Variants in GRID1 observed in about 807,000 individuals in gnomAD.
The protein encoded by GRID1 is glutamate receptor ionotropic, delta-1.
In GRID1, 28 loss-of-function variants were observed where a neutral mutation model predicts 98.0. The observed-to-expected ratio is 0.29, with a 90% confidence interval of 0.21 to 0.39. The LOEUF is 0.39. GRID1 is among the 10% of genes least tolerant of loss of function. GRID1 has a pLI of 1.00. For synonymous variants in GRID1, 553 were observed against 538.5 expected, an observed-to-expected ratio of 1.03 and a Z score of -0.37; for missense variants, 1,111 against 1,340.5, an observed-to-expected ratio of 0.83 and a Z score of 2.67.
At chr10:85,821,539 A>AAAAAAAAAAACAAACAAAC (rs770693495) in intron 8 of GRID1, among the ~76,000 whole-genome samples, 2 of 97,594 alleles carry the variant, frequency 2.0e-5, no homozygotes, top group African/African-American at 3.9e-5. Flanking sequence ...AAAAAAAAAA[A>AAAAAAAAAAACAAACAAAC]AAAAAAGAAA....
At chr10:85,789,273 C>T (rs1297656049) in intron 8 of GRID1, among the ~76,000 whole-genome samples, 1 of 152,098 alleles carries the variant, frequency 6.6e-6, no homozygotes, top group Admixed American at 6.5e-5. Context: ...AAGACACCTG[C>T]CAAAGCTGAC....
chr10:85,731,819 AGAAG>A (rs1191049871), intron 8 of GRID1, among the ~76,000 whole-genome samples: 33 of 134,350 alleles, frequency 2.5e-4, no homozygotes, highest in African/African-American at 7.2e-4. Context: ...AAAAAGAAGA[AGAAG>A]GAAGGAAGGA....
intron 4 of GRID1, among the ~76,000 whole-genome samples, chr10:86,118,680 C>T (rs995733881): frequency 6.6e-6 from 1 of 152,074 alleles, no homozygotes; most frequent in Non-Finnish European, 1.5e-5. Flanking sequence ...AGTGGAGAAA[C>T]CTTGACAAAC....
chr10:85,842,323 G>A (rs1194005681), intron 8 of GRID1, among the ~76,000 whole-genome samples: 2 of 152,104 alleles, frequency 1.3e-5, no homozygotes, highest in Non-Finnish European at 2.9e-5. Flanking sequence ...TTGGAGAGCA[G>A]AGGATGGGAT....
intron 6 of GRID1, among the ~76,000 whole-genome samples, chr10:85,868,419 C>T (rs1843243431): frequency 6.6e-6 from 1 of 152,178 alleles, no homozygotes; most frequent in African/African-American, 2.4e-5. Flanking sequence ...GCCGACTGCA[C>T]ATACTTAGGG....
chr10:85,766,986 G>A (rs1842204173), intron 8 of GRID1, among the ~76,000 whole-genome samples: 1 of 152,098 alleles, frequency 6.6e-6, no homozygotes, highest in Admixed American at 6.6e-5. Flanking sequence ...GCCTTCCTCT[G>A]TATATGCCAA....
chr10:85,621,085 T>C (rs1419692085), intron 13 of GRID1, among the ~76,000 whole-genome samples: 1 of 152,190 alleles, frequency 6.6e-6, no homozygotes, highest in East Asian at 1.9e-4. Context: ...TCGGAGGGAA[T>C]GCAAGCTGCT....
At chr10:86,022,467 G>A (rs1843062504) in intron 4 of GRID1, among the ~76,000 whole-genome samples, 1 of 152,154 alleles carries the variant, frequency 6.6e-6, no homozygotes, top group East Asian at 1.9e-4. Flanking sequence ...CAGCCATGCT[G>A]CCTCCTGCCC....
intron 2 of GRID1, among the ~76,000 whole-genome samples, chr10:86,337,433 C>A (rs1415493471): frequency 6.6e-6 from 1 of 152,176 alleles, no homozygotes; most frequent in Non-Finnish European, 1.5e-5. Context: ...AGCTTCCAAC[C>A]ACACTGGGCC....
At chr10:85,906,865 A>C (rs1841468314) in intron 5 of GRID1, among the ~76,000 whole-genome samples, 1 of 152,168 alleles carries the variant, frequency 6.6e-6, no homozygotes, top group South Asian at 2.1e-4. Flanking sequence ...AAAGAAAATA[A>C]GGAAGACAAA....
At chr10:86,022,556 T>C (rs925073110) in intron 4 of GRID1, among the ~76,000 whole-genome samples, 1 of 152,178 alleles carries the variant, frequency 6.6e-6, no homozygotes, top group African/African-American at 2.4e-5. Context: ...CGCTCTTTTT[T>C]TTCCCCGAGG....
chr10:86,326,554 G>C (rs1261676134), intron 2 of GRID1, among the ~76,000 whole-genome samples: 1 of 152,176 alleles, frequency 6.6e-6, no homozygotes, highest in Non-Finnish European at 1.5e-5. Flanking sequence ...TCGTCCATAA[G>C]ACCAAAATTA....
At chr10:86,165,574 T>C (rs2131989417) in intron 3 of GRID1, among the ~76,000 whole-genome samples, 1 of 152,226 alleles carries the variant, frequency 6.6e-6, no homozygotes, top group East Asian at 1.9e-4. Context: ...GCTGGCCTAG[T>C]CTACAAAGAG....
intron 4 of GRID1, among the ~76,000 whole-genome samples, chr10:85,943,651 T>C (rs958934834): frequency 2.6e-5 from 4 of 152,158 alleles, no homozygotes; most frequent in Admixed American, 6.5e-5. Context: ...TCAACCTATG[T>C]AGTTCAAACT....
At chr10:85,939,560 G>A (rs889302383) in intron 4 of GRID1, among the ~76,000 whole-genome samples, 15 of 152,002 alleles carry the variant, frequency 9.9e-5, no homozygotes, top group African/African-American at 1.7e-4. Flanking sequence ...GCAGCAACAC[G>A]TCTTTCTGGG....
At chr10:86,064,245 G>A (rs1425571106) in intron 4 of GRID1, among the ~76,000 whole-genome samples, 2 of 152,222 alleles carry the variant, frequency 1.3e-5, no homozygotes, top group Non-Finnish European at 2.9e-5. Context: ...CAGAGTTTGA[G>A]AAAGTTCTAG....
intron 14 of GRID1, among the ~76,000 whole-genome samples, chr10:85,616,604 C>T (rs1184179426): frequency 6.6e-6 from 1 of 152,158 alleles, no homozygotes; most frequent in African/African-American, 2.4e-5. Flanking sequence ...GATAGTAAGG[C>T]AATTTATACG....
intron 8 of GRID1, among the ~76,000 whole-genome samples, chr10:85,767,554 A>C (rs1055557093): frequency 1.3e-5 from 2 of 152,178 alleles, no homozygotes; most frequent in African/African-American, 2.4e-5. Flanking sequence ...GTTCTGAGTC[A>C]TTTTCATTTT....
In GRID1 at chr10:85,701,198, G is replaced by T. The variant is rs948515014; in HGVS notation, c.1997+21805C>A. ...TTCAAATTCTTCTCACTTTGAAAATGCATCATCTCCGTGGATTTCTTCTTA... is the reference window on the plus strand; with the variant it reads ...TTCAAATTCTTCTCACTTTGAAAATTCATCATCTCCGTGGATTTCTTCTTA... On this transcript the variant is annotated intron_variant, in intron 12 of 15. Coordinates refer to ENST00000327946, the MANE Select transcript of GRID1 (RefSeq NM_017551.3). Among the ~76,000 whole-genome samples, 3 of 152,232 alleles carry T rather than the reference G, an allele frequency of 2.0e-5. No homozygotes were observed. In the South Asian group the frequency reaches 6.2e-4, roughly 32 times the overall value.
Sources: gnomAD v4.1 joint callset for allele counts (sites outside exome capture counted in the v4.1 genomes callset) on GRCh38, gnomAD v4.1.1 for gene constraint, MANE v1.5 for transcripts, NCBI Gene and HGNC (gene_info 2026-07-23, HGNC 2026-07-21) for gene names.